The following PRKAR1B variants were observed in gnomAD, a reference collection of about 807,000 sequenced individuals.
PRKAR1B encodes the protein protein kinase cAMP-dependent type I regulatory subunit beta.
Under a neutral mutation model 46.5 loss-of-function variants are expected in PRKAR1B, and 22 were observed. The observed-to-expected ratio is 0.47, with a 90% CI of 0.34 to 0.68. PRKAR1B has a LOEUF of 0.68. Ranked by LOEUF, PRKAR1B falls within the 30% of genes least tolerant of loss-of-function variation. The pLI is 0.01. For synonymous variants in PRKAR1B, 259 were observed against 217.7 expected, an observed-to-expected ratio of 1.19 and a Z score of -1.67; for missense variants, 445 against 535.6, an observed-to-expected ratio of 0.83 and a Z score of 1.67.
At chr7:661,555 C>T (rs533612121) in intron 4 of PRKAR1B, among the ~76,000 whole-genome samples, 4 of 53,306 alleles carry the variant, frequency 7.5e-5, no homozygotes, top group South Asian at 9.3e-4. Flanking sequence ...TACTCTCCCC[C>T]CCATGGCACA....
chr7:692,447 GGAGAA>G lies in PRKAR1B; in HGVS notation c.178-11726_178-11722del, dbSNP rs1010384474. On this transcript the variant is annotated intron_variant, in intron 2 of 10. Coordinates refer to ENST00000537384, the MANE Select transcript of PRKAR1B (RefSeq NM_001164760.2). ...GAGAGACAGAGAGAGAGAGAGAGAA[GGAGAA>G]GAGAAGAGGAGAAGAGAAGAGAAGA... Among the ~76,000 whole-genome samples the G allele has an allele frequency of 9.4e-5, 14 of 149,186 alleles. No individual in the cohort carries two copies. In the South Asian group the frequency reaches 1.9e-3, roughly 20 times the overall value.
intron 4 of PRKAR1B, among the ~76,000 whole-genome samples, chr7:659,867 G>A (rs1785414302): frequency 6.6e-6 from 1 of 152,086 alleles, no homozygotes; most frequent in Non-Finnish European, 1.5e-5. Flanking sequence ...TACTGTGCCT[G>A]GCCCAGATTC....
intron 7 of PRKAR1B, among the ~76,000 whole-genome samples, chr7:595,206 G>A (rs1408166169): frequency 6.6e-6 from 1 of 152,214 alleles, no homozygotes; most frequent in African/African-American, 2.4e-5. Flanking sequence ...CCAGCCCTGT[G>A]CTGCTGTTCC....
At chr7:637,017 G>A (rs1466807467) in intron 4 of PRKAR1B, among the ~76,000 whole-genome samples, 1 of 152,246 alleles carries the variant, frequency 6.6e-6, no homozygotes, top group Non-Finnish European at 1.5e-5. Context: ...GTGAGGTGTG[G>A]TGGTTCACAC....
intron 3 of PRKAR1B, 43 bp downstream of exon 3, chr7:680,513 G>A (rs1251455166): frequency 6.4e-7 from 1 of 1,550,492 alleles, no homozygotes; most frequent in South Asian, 1.2e-5. Flanking sequence ...ACAGCCACGT[G>A]CCGAGGCCTG....
At chr7:680,447 C>A (rs1025768151) in intron 3 of PRKAR1B, 109 bp downstream of exon 3, 3 of 1,148,716 alleles carry the variant, frequency 2.6e-6, no homozygotes, top group Non-Finnish European at 3.6e-6. Flanking sequence ...CAGGATGACA[C>A]TGAGACCCCC....
intron 2 of PRKAR1B, among the ~76,000 whole-genome samples, chr7:695,636 G>A (rs1028696963): frequency 1.3e-5 from 2 of 152,136 alleles, no homozygotes; most frequent in Non-Finnish European, 2.9e-5. Context: ...GCCAGCCACC[G>A]GTGGGGTCAA....
chr7:576,815 G>A (rs576025676), intron 9 of PRKAR1B, among the ~76,000 whole-genome samples: 1 of 152,230 alleles, frequency 6.6e-6, no homozygotes, highest in Admixed American at 6.5e-5. Context: ...CCCTGAATGT[G>A]CCCCTCAGGG....
At chr7:585,370 A>G (rs1450450035) in intron 7 of PRKAR1B, among the ~76,000 whole-genome samples, 1 of 152,192 alleles carries the variant, frequency 6.6e-6, no homozygotes. Flanking sequence ...ACAACTGTAC[A>G]GAGCAGCCGC....
At chr7:657,291 GGA>G (rs1785260654) in intron 4 of PRKAR1B, among the ~76,000 whole-genome samples, 1 of 151,580 alleles carries the variant, frequency 6.6e-6, no homozygotes, top group African/African-American at 2.4e-5. Flanking sequence ...ATGGATGGAT[GGA>G]TGGATGGATG....
intron 2 of PRKAR1B, among the ~76,000 whole-genome samples, chr7:699,883 T>C (rs73047931): frequency 0.14 from 21,369 of 152,096 alleles, 1,614 homozygotes; most frequent in South Asian, 0.21. Context: ...TTCTGGAAGA[T>C]GGCTCCAGCT....
intron 4 of PRKAR1B, among the ~76,000 whole-genome samples, chr7:669,590 C>A (rs867336237): frequency 1.5e-4 from 23 of 151,882 alleles, no homozygotes; most frequent in South Asian, 1.0e-3. Context: ...ATGCTGAAAC[C>A]CCATCTCTAC....
upstream of PRKAR1B, among the ~76,000 whole-genome samples, chr7:728,776 G>T (rs1781456066): frequency 6.6e-6 from 1 of 152,176 alleles, no homozygotes; most frequent in African/African-American, 2.4e-5. Flanking sequence ...GTGAGGGACT[G>T]TGCCTCTGCC....
intron 2 of PRKAR1B, among the ~76,000 whole-genome samples, chr7:700,579 T>C (rs1562351443): frequency 6.6e-6 from 1 of 152,026 alleles, no homozygotes; most frequent in Non-Finnish European, 1.5e-5. Context: ...GTTAACACTC[T>C]AAAGCAGCAA....
chr7:595,863 C>T (rs539236517), intron 7 of PRKAR1B, among the ~76,000 whole-genome samples: 60 of 152,318 alleles, frequency 3.9e-4, no homozygotes, highest in African/African-American at 1.4e-3. Context: ...ATAGTCACCT[C>T]CTGGCCCAAC....
chr7:727,998 G>A (rs964570923), upstream of PRKAR1B, among the ~76,000 whole-genome samples: 7 of 151,894 alleles, frequency 4.6e-5, no homozygotes, highest in Admixed American at 4.6e-4. Flanking sequence ...TTGAGACTCT[G>A]CTCTGGTCAT....
At chr7:675,110 A>T (rs1015734436) in intron 4 of PRKAR1B, among the ~76,000 whole-genome samples, 4 of 152,250 alleles carry the variant, frequency 2.6e-5, no homozygotes, top group African/African-American at 9.6e-5. Context: ...TCACGGAAAC[A>T]TCGGAGCACG....
At chr7:635,806 T>G (rs1404238768) in intron 4 of PRKAR1B, among the ~76,000 whole-genome samples, 1 of 151,956 alleles carries the variant, frequency 6.6e-6, no homozygotes, top group East Asian at 1.9e-4. Context: ...TTGGTCCAAA[T>G]CACAGCTCCG....
intron 4 of PRKAR1B, among the ~76,000 whole-genome samples, chr7:657,014 T>C (rs1056643477): frequency 1.3e-5 from 2 of 151,410 alleles, no homozygotes; most frequent in Admixed American, 6.6e-5. Context: ...GATGGACGGA[T>C]GGATGGATGA....
Sources: gnomAD v4.1 joint callset for allele counts (sites outside exome capture counted in the v4.1 genomes callset) on GRCh38, gnomAD v4.1.1 for gene constraint, MANE v1.5 for transcripts, NCBI Gene and HGNC (gene_info 2026-07-23, HGNC 2026-07-21) for gene names.